Variants in GALNT13 observed in about 807,000 individuals in gnomAD.
GALNT13 encodes the protein UDP-GalNAc:polypeptide N-acetylgalactosaminyltransferase 13.
A neutral mutation model predicts 64.2 loss-of-function variants in GALNT13; 28 were observed. That is an observed-to-expected ratio of 0.44 (90% CI 0.32 to 0.60). The LOEUF (loss-of-function observed/expected upper bound fraction) is 0.60. Ranked by LOEUF, GALNT13 falls within the 20% of genes least tolerant of loss-of-function variation. The pLI, the probability that GALNT13 is intolerant of heterozygous loss-of-function variation, is 0.05. For synonymous variants in GALNT13, 214 were observed against 224.6 expected (o/e 0.95, Z 0.42); for missense variants, 577 against 669.8 (o/e 0.86, Z 1.53).
the GALNT13 span, among the ~76,000 whole-genome samples, chr2:153,361,009 G>A: frequency 2.6e-5 from 4 of 152,174 alleles, no homozygotes; most frequent in African/African-American, 9.7e-5. Flanking sequence ...AGAGATCCCA[G>A]TGGATGGAGC....
At chr2:153,160,041 C>T in the GALNT13 span, among the ~76,000 whole-genome samples, 2 of 152,074 alleles carry the variant, frequency 1.3e-5, no homozygotes, top group Admixed American at 1.3e-4. Context: ...TGAACTCCAC[C>T]ATATTGTAAT....
chr2:154,433,015 T>G lies in GALNT13; in HGVS notation c.1396-5577T>G, dbSNP rs534359752. ...AAGAGGAGGATTCAAGGCCAGGAAG[T>G]TCTTGAGCTTGCAACCCATGCAATC... On this transcript the variant is annotated intron_variant, in intron 11 of 12. Transcript: ENST00000392825. Among the ~76,000 whole-genome samples, 6 of 152,300 alleles carry G rather than the reference T, an allele frequency of 3.9e-5. No homozygotes were observed. In the East Asian group the frequency reaches 1.2e-3, roughly 29 times the overall value.
At chr2:153,497,859 A>G in the GALNT13 span, among the ~76,000 whole-genome samples, 23 of 152,128 alleles carry the variant, frequency 1.5e-4, no homozygotes, top group Non-Finnish European at 2.8e-4. Flanking sequence ...AGTATCTTTT[A>G]GATTAGGGAC....
the GALNT13 span, among the ~76,000 whole-genome samples, chr2:153,676,578 A>T: frequency 2.0e-5 from 3 of 152,152 alleles, no homozygotes; most frequent in African/African-American, 7.2e-5. Context: ...TGTCAGGCCA[A>T]TATTGCTGAT....
the GALNT13 span, among the ~76,000 whole-genome samples, chr2:153,761,051 C>G: frequency 3.3e-5 from 5 of 152,182 alleles, 1 homozygote; most frequent in South Asian, 1.0e-3. Flanking sequence ...TGGTCTCTCT[C>G]TTTTGGTTTT....
the GALNT13 span, among the ~76,000 whole-genome samples, chr2:153,612,632 C>CAAAA: frequency 5.3e-3 from 795 of 151,094 alleles, 3 homozygotes; most frequent in Non-Finnish European, 8.4e-3. Flanking sequence ...AATAAGAAAA[C>CAAAA]AAAGAAAAAA....
the GALNT13 span, among the ~76,000 whole-genome samples, chr2:153,082,614 TATATACACACACACAC>T: frequency 3.1e-3 from 97 of 31,282 alleles, no homozygotes; most frequent in Admixed American, 5.2e-3. Context: ...TATATATATA[TATATACACACACACAC>T]ACACACACAC....
rs539090602 is a variant in GALNT13 at position 154,017,508 on chromosome 2, T to C, written c.142+72869T>C. On this transcript the variant is annotated intron_variant, in intron 3 of 12. Transcript: ENST00000392825. ...CACCACTTTAGTACTTACTTAAAAT[T>C]TTGTTCTTTATAGATTACTAGGGTG... Among the ~76,000 whole-genome samples the C allele has an allele frequency of 4.6e-5, 7 of 152,224 alleles. No homozygotes were observed. In the East Asian group the frequency reaches 1.4e-3, roughly 29 times the overall value.
chr2:153,110,989 A>G, the GALNT13 span, among the ~76,000 whole-genome samples: 1 of 152,100 alleles, frequency 6.6e-6, no homozygotes, highest in Non-Finnish European at 1.5e-5. Context: ...TGCCCCCCAT[A>G]GAAGCTTATA....
chr2:153,521,262 T>G, the GALNT13 span, among the ~76,000 whole-genome samples: 1 of 152,160 alleles, frequency 6.6e-6, no homozygotes, highest in Non-Finnish European at 1.5e-5. Context: ...ACTATGGTAG[T>G]GGATGATAAA....
At chr2:153,919,603 T>C (rs917091247) in intron 2 of GALNT13, among the ~76,000 whole-genome samples, 4 of 151,908 alleles carry the variant, frequency 2.6e-5, no homozygotes, top group African/African-American at 9.7e-5. Context: ...TGGGCTAGGG[T>C]TGGGAGCATA....
At chr2:153,094,826 C>G in the GALNT13 span, among the ~76,000 whole-genome samples, 33 of 152,078 alleles carry the variant, frequency 2.2e-4, no homozygotes, top group East Asian at 1.4e-3. Flanking sequence ...GGGAAAACTG[C>G]CTAGCCATAT....
the GALNT13 span, among the ~76,000 whole-genome samples, chr2:153,785,824 C>G: frequency 6.6e-6 from 1 of 152,148 alleles, no homozygotes; most frequent in Non-Finnish European, 1.5e-5. Flanking sequence ...TTTGCTGTTT[C>G]ATAGCCCTAG....
the GALNT13 span, among the ~76,000 whole-genome samples, chr2:153,218,702 T>C: frequency 6.6e-6 from 1 of 152,250 alleles, no homozygotes; most frequent in African/African-American, 2.4e-5. Flanking sequence ...TAAGTAGTTG[T>C]AAACTTTTTG....
intron 12 of GALNT13, among the ~76,000 whole-genome samples, chr2:154,441,116 A>G (rs1409753483): frequency 6.6e-6 from 1 of 152,066 alleles, no homozygotes; most frequent in East Asian, 1.9e-4. Flanking sequence ...TCATATACAT[A>G]TTTACATTTG....
At chr2:153,613,842 A>G in the GALNT13 span, among the ~76,000 whole-genome samples, 3 of 151,990 alleles carry the variant, frequency 2.0e-5, no homozygotes, top group African/African-American at 4.8e-5. Context: ...CCATGGGAAC[A>G]TCACGCACTG....
At chr2:154,315,851 A>T (rs1694290623) in intron 9 of GALNT13, among the ~76,000 whole-genome samples, 1 of 152,192 alleles carries the variant, frequency 6.6e-6, no homozygotes, top group Non-Finnish European at 1.5e-5. Flanking sequence ...GACACTGATA[A>T]AATGTATCAA....
intron 4 of GALNT13, among the ~76,000 whole-genome samples, chr2:154,190,052 G>A (rs1056077979): frequency 1.3e-5 from 2 of 152,158 alleles, no homozygotes; most frequent in African/African-American, 4.8e-5. Context: ...TCTTGTGTGT[G>A]TTTTTCGTTA....
chr2:153,869,748 A>G (rs1472323148), upstream of GALNT13, among the ~76,000 whole-genome samples: 6 of 152,122 alleles, frequency 3.9e-5, no homozygotes, highest in African/African-American at 1.4e-4. Context: ...AACAGCCTCA[A>G]GTTATTTTTG....
Sources: allele counts gnomAD v4.1 joint callset (sites outside exome capture counted in the v4.1 genomes callset), GRCh38; gene constraint gnomAD v4.1.1; transcripts MANE v1.5; gene names NCBI Gene and HGNC (gene_info 2026-07-23, HGNC 2026-07-21).